TENM2: variants seen among roughly 807,000 people sequenced by gnomAD.
The protein encoded by TENM2 is teneurin transmembrane protein 2.
A neutral mutation model predicts 245.2 loss-of-function variants in TENM2; 52 were observed. The observed-to-expected ratio is 0.21, with a 90% CI of 0.17 to 0.27. The LOEUF (loss-of-function observed/expected upper bound fraction) is 0.27, where lower values mean the gene tolerates loss of function less well. Ranked by LOEUF, TENM2 falls within the 10% of genes least tolerant of loss-of-function variation. The pLI is 1.00. For missense variants in TENM2, 3,046 were observed against 3,666.8 expected, an observed-to-expected ratio of 0.83 and a Z score of 4.37; for synonymous variants, 1,363 against 1,438.9, an observed-to-expected ratio of 0.95 and a Z score of 1.19.
At chr5:167,979,231 T>C (rs1782656326) in intron 4 of TENM2, among the ~76,000 whole-genome samples, 2 of 152,124 alleles carry the variant, frequency 1.3e-5, no homozygotes, top group Non-Finnish European at 2.9e-5. Flanking sequence ...GAATGCTAAA[T>C]GGATTCTTCT....
At chr5:167,977,923 G>T (rs1339396236) in intron 4 of TENM2, among the ~76,000 whole-genome samples, 1 of 152,174 alleles carries the variant, frequency 6.6e-6, no homozygotes, top group African/African-American at 2.4e-5. Context: ...GGTCATGGGG[G>T]TGGATCTCTC....
intron 4 of TENM2, among the ~76,000 whole-genome samples, chr5:167,955,667 G>T (rs889128091): frequency 6.6e-6 from 1 of 152,196 alleles, no homozygotes; most frequent in African/African-American, 2.4e-5. Flanking sequence ...AAGTGTTCCA[G>T]TTTCAGTTTT....
the TENM2 span, among the ~76,000 whole-genome samples, chr5:167,162,131 C>A: frequency 2.7e-5 from 4 of 150,030 alleles, no homozygotes; most frequent in East Asian, 7.9e-4. Context: ...GAGATCACAC[C>A]ACTGCACTCC....
intron 2 of TENM2, among the ~76,000 whole-genome samples, chr5:167,830,237 C>A (rs1398096572): frequency 1.3e-5 from 2 of 152,156 alleles, no homozygotes; most frequent in Admixed American, 1.3e-4. Context: ...TTATGAGAGG[C>A]TATTAGAGTG....
At chr5:167,539,147 A>G (rs555495649) in intron 2 of TENM2, among the ~76,000 whole-genome samples, 20 of 152,180 alleles carry the variant, frequency 1.3e-4, no homozygotes, top group Non-Finnish European at 2.8e-4. Context: ...AAAGTCTCAC[A>G]CCAACTGAAA....
At chr5:167,007,918 A>G in the TENM2 span, among the ~76,000 whole-genome samples, 15,944 of 152,086 alleles carry the variant, frequency 0.1, 1,023 homozygotes, top group South Asian at 0.25. The surrounding 1 kb of genome is among the most constrained non-coding windows in gnomAD (Gnocchi z 4.2). Flanking sequence ...TAACAGGTGC[A>G]GGGCTCTATC....
Position 168,079,953 on chromosome 5 carries a change from T to C in TENM2, c.1516-10621T>C, listed in dbSNP as rs531445976. Among the ~76,000 whole-genome samples the C allele has an allele frequency of 4.6e-5, 7 of 152,302 alleles. No homozygotes were observed. The South Asian group carries it at 1.5e-3, about 32-fold the overall frequency. ...GATGATCCTGGCCCCATAAAATGAGTTAGGGAGGATTCCCTCTTTTTCTAT... is the reference window on the plus strand; with the variant it reads ...GATGATCCTGGCCCCATAAAATGAGCTAGGGAGGATTCCCTCTTTTTCTAT... On this transcript the variant is annotated intron_variant, in intron 7 of 28. Transcript: ENST00000518659.
the TENM2 span, among the ~76,000 whole-genome samples, chr5:167,169,934 A>T: frequency 6.6e-6 from 1 of 152,220 alleles, no homozygotes; most frequent in East Asian, 1.9e-4. Flanking sequence ...AGATAGGGCC[A>T]TCTATCACCA....
At chr5:167,894,961 GGAAGGAAGGAAGGAAGGAA>G (rs1561906621) in intron 3 of TENM2, among the ~76,000 whole-genome samples, 2 of 128,998 alleles carry the variant, frequency 1.6e-5, no homozygotes, top group African/African-American at 5.7e-5. Flanking sequence ...AAGGAAGGAA[GGAAGGAAGGAAGGAAGGAA>G]GGAAGGAAGG....
intron 2 of TENM2, among the ~76,000 whole-genome samples, chr5:167,462,187 C>CCCA (rs1554159724): frequency 7.8e-6 from 1 of 128,198 alleles, no homozygotes; most frequent in Admixed American, 8.3e-5. Flanking sequence ...CCCCACCCCC[C>CCCA]CCCCCCATTG....
At chr5:167,505,881 G>A (rs759757652) in intron 2 of TENM2, among the ~76,000 whole-genome samples, 1 of 152,092 alleles carries the variant, frequency 6.6e-6, no homozygotes, top group Non-Finnish European at 1.5e-5. Context: ...CTGTCTTACG[G>A]AATTGCTATT....
the TENM2 span, among the ~76,000 whole-genome samples, chr5:167,209,987 C>G: frequency 6.6e-6 from 1 of 152,164 alleles, no homozygotes; most frequent in Non-Finnish European, 1.5e-5. Flanking sequence ...ATGAAGGAAA[C>G]CATGCCCTGG....
At chr5:168,141,314 A>G (rs994240666) in intron 12 of TENM2, among the ~76,000 whole-genome samples, 2 of 152,198 alleles carry the variant, frequency 1.3e-5, no homozygotes, top group African/African-American at 2.4e-5. Context: ...ATTCTACTAT[A>G]ATCATTCACA....
chr5:167,379,880 A>G (rs567729078), intron 2 of TENM2, among the ~76,000 whole-genome samples: 1 of 151,998 alleles, frequency 6.6e-6, no homozygotes, highest in South Asian at 2.1e-4. Context: ...CATGGAACCT[A>G]AAGAAAATTG....
intron 5 of TENM2, among the ~76,000 whole-genome samples, chr5:168,037,538 C>CTTTT (rs35253311): frequency 0.13 from 17,138 of 135,364 alleles, 1,393 homozygotes; most frequent in African/African-American, 0.21. Flanking sequence ...CCATAATGGT[C>CTTTT]TTTTTTTTTT....
At chr5:168,177,234 A>G (rs1274406512) in intron 13 of TENM2, among the ~76,000 whole-genome samples, 1 of 152,224 alleles carries the variant, frequency 6.6e-6, no homozygotes, top group African/African-American at 2.4e-5. Flanking sequence ...TAGTCAAGTA[A>G]CTGACCCTCT....
chr5:167,208,816 C>T, the TENM2 span, among the ~76,000 whole-genome samples: 31 of 152,338 alleles, frequency 2.0e-4, no homozygotes, highest in African/African-American at 6.7e-4. Context: ...TCTAAAATGA[C>T]ATCAGACCAT....
In TENM2 at chr5:167,897,844, A is replaced by G. The variant is rs73803265; in HGVS notation, c.712+21649A>G. 1.6e-3 allele frequency among the ~76,000 whole-genome samples: 245 copies of G among 151,784 alleles called. 1 individual carries two copies. The highest frequency in any genetic ancestry group is 5.6e-3 in the African/African-American group (232 of 41,456). On this transcript the variant is annotated intron_variant, in intron 3 of 28. Transcript: ENST00000518659. ...TATGGAGAGAACGAAACAGAGAACT[A>G]AGTTTATGAGCCTGGGAATTTCAGT... is the stretch of plus-strand genomic sequence containing the variant.
At chr5:167,652,835 C>G (rs57724524) in intron 2 of TENM2, among the ~76,000 whole-genome samples, 2 of 152,086 alleles carry the variant, frequency 1.3e-5, no homozygotes, top group Non-Finnish European at 2.9e-5. Flanking sequence ...CTCCCTCTTT[C>G]GCTTTTATTA....
Sources: allele counts gnomAD v4.1 joint callset (sites outside exome capture counted in the v4.1 genomes callset), GRCh38; gene constraint gnomAD v4.1.1; non-coding constraint Gnocchi (gnomAD v3.1); transcripts MANE v1.5; gene names NCBI Gene and HGNC (gene_info 2026-07-23, HGNC 2026-07-21).